Variants in FAM13A observed in about 807,000 individuals in gnomAD.
FAM13A encodes family with sequence similarity 13 member A.
Under a neutral mutation model 129.6 loss-of-function variants are expected in FAM13A, and 76 were observed. That is an observed-to-expected ratio of 0.59 (90% confidence interval 0.49 to 0.71). FAM13A has a LOEUF of 0.71. Ranked by LOEUF, FAM13A falls within the 30% of genes least tolerant of loss-of-function variation. The pLI, the probability that FAM13A is intolerant of heterozygous loss-of-function variation, is 0.00. For synonymous variants in FAM13A, 443 were observed against 449.9 expected (o/e 0.98, Z 0.20); for missense variants, 1,108 against 1,249.3 (o/e 0.89, Z 1.70).
At chr4:89,028,684 C>G (rs1312180370) in intron 2 of FAM13A, among the ~76,000 whole-genome samples, 1 of 151,658 alleles carries the variant, frequency 6.6e-6, no homozygotes, top group Non-Finnish European at 1.5e-5. Context: ...GAGCAAGACC[C>G]TATCTCTTAA....
At chr4:88,851,218 T>C (rs775181330) in intron 6 of FAM13A, 35 bp from the exon 7 acceptor site, 16 of 1,491,286 alleles carry the variant, frequency 1.1e-5, no homozygotes, top group Non-Finnish European at 1.4e-5. Flanking sequence ...GGGGGAGAGC[T>C]AGATAAATGT....
In FAM13A at chr4:88,758,818, C is replaced by G. The variant is rs776900955; in HGVS notation, c.1662G>C (p.Glu554Asp). 6.2e-7 allele frequency: 1 copy of G among 1,614,048 alleles called. No homozygotes were observed. The highest frequency in any genetic ancestry group is 8.5e-7 in the Non-Finnish European group (1 of 1,179,934). ...QRNQDAGDQE[E>D]SFVSEVPQSD... ...ACTGGGGCACTTCGGAGACAAAGCTCTCCTCCTGGTCACCGGCATCTTGAT... is the reference window on the plus strand; with the variant it reads ...ACTGGGGCACTTCGGAGACAAAGCTGTCCTCCTGGTCACCGGCATCTTGAT... Residue 554 changes from glutamate to aspartate, a missense_variant, in exon 14 of 24, where the codon GAG (glutamate) becomes GAC (aspartate). By Grantham distance (45) the Glu-to-Asp change is conservative (BLOSUM62 2). This residue lies in a region of FAM13A where 529 missense variants were observed against 621.2 expected (regional missense o/e 0.85). Coordinates refer to ENST00000264344, the MANE Select transcript of FAM13A (RefSeq NM_014883.4).
intron 2 of FAM13A, among the ~76,000 whole-genome samples, chr4:89,028,995 G>C (rs1442457271): frequency 6.6e-6 from 1 of 151,978 alleles, no homozygotes; most frequent in African/African-American, 2.4e-5. Flanking sequence ...CCACCACTCC[G>C]CATAGTAAGC....
chr4:88,979,901 G>A (rs140607031), intron 4 of FAM13A, among the ~76,000 whole-genome samples: 2,871 of 152,244 alleles, frequency 0.019, 36 homozygotes, highest in Non-Finnish European at 0.03. Context: ...AACCCGGGAG[G>A]TGGAAGTTGC....
At chr4:88,891,428 G>A (rs1344439769) in intron 6 of FAM13A, among the ~76,000 whole-genome samples, 1 of 151,754 alleles carries the variant, frequency 6.6e-6, no homozygotes, top group African/African-American at 2.4e-5. Context: ...TCAAGAAAAA[G>A]GAAAAAGAGT....
At chr4:88,765,720 G>A (rs1745606334) in intron 13 of FAM13A, among the ~76,000 whole-genome samples, 1 of 152,202 alleles carries the variant, frequency 6.6e-6, no homozygotes, top group African/African-American at 2.4e-5. Flanking sequence ...TCCCAATCTT[G>A]TGGAATGATG....
chr4:88,820,430 G>C (rs1310691223), intron 7 of FAM13A, among the ~76,000 whole-genome samples: 1 of 152,176 alleles, frequency 6.6e-6, no homozygotes, highest in Non-Finnish European at 1.5e-5. Flanking sequence ...TGGCAGTACA[G>C]AGTAGTGTTC....
chr4:88,938,154 A>T lies in FAM13A; in HGVS notation c.693T>A (p.Phe231Leu), dbSNP rs749795888. The part of the protein sequence containing the change: ...AKILENYNTL[F>L]EVEYTENDHL... ...GATCATTTTCTGTATACTCTACTTC[A>T]AACAGGGTATTGTAATTTTCTAGAA... The change falls in exon 5 of 24, where the codon TTT (phenylalanine) becomes TTA (leucine). Residue 231 changes from phenylalanine to leucine, a missense_variant. Coordinates refer to ENST00000264344, the MANE Select transcript of FAM13A (RefSeq NM_014883.4). 1 of 1,613,230 alleles carries T rather than the reference A, an allele frequency of 6.2e-7. No homozygotes were observed.
At chr4:88,882,439 T>C (rs1743737345) in intron 6 of FAM13A, among the ~76,000 whole-genome samples, 1 of 152,090 alleles carries the variant, frequency 6.6e-6, no homozygotes, top group African/African-American at 2.4e-5. Context: ...ATTGTCTTTT[T>C]CAGACAATAC....
chr4:88,907,678 G>T (rs1748387623), intron 5 of FAM13A, among the ~76,000 whole-genome samples: 1 of 152,164 alleles, frequency 6.6e-6, no homozygotes, highest in South Asian at 2.1e-4. Flanking sequence ...CAGGCTTACA[G>T]AAGTTAAGTA....
In FAM13A at chr4:88,859,162, A is replaced by G. The variant is rs1292715687; in HGVS notation, c.844-7979T>C. Among the ~76,000 whole-genome samples, 4 of 152,242 alleles carry G rather than the reference A, an allele frequency of 2.6e-5. No homozygotes were observed. In the East Asian group the frequency reaches 7.7e-4, roughly 29 times the overall value. ...TGCTGTGAAGAATAGCAAAGGAAAG[A>G]GGCGATTGCTAAAGAGGGCTGAAGA... On this transcript the variant is annotated intron_variant, in intron 6 of 23. Coordinates refer to ENST00000264344, the MANE Select transcript of FAM13A (RefSeq NM_014883.4).
chr4:89,048,701 A>C (rs1488968384), intron 1 of FAM13A, among the ~76,000 whole-genome samples: 1 of 152,178 alleles, frequency 6.6e-6, no homozygotes, highest in Non-Finnish European at 1.5e-5. Context: ...AAATTTTTTA[A>C]AGATTCCATA....
chr4:88,964,421 G>A (rs775791595), intron 4 of FAM13A, among the ~76,000 whole-genome samples: 1 of 151,908 alleles, frequency 6.6e-6, no homozygotes, highest in Admixed American at 6.6e-5. Context: ...GTTGTTTTGG[G>A]ATTAAAAAAA....
intron 6 of FAM13A, among the ~76,000 whole-genome samples, chr4:88,876,255 C>A (rs1272217092): frequency 6.6e-6 from 1 of 151,978 alleles, no homozygotes; most frequent in East Asian, 1.9e-4. Context: ...CCAACCTGCA[C>A]ATTGTGCACA....
chr4:88,935,917 C>T (rs902699881), intron 5 of FAM13A, among the ~76,000 whole-genome samples: 2 of 148,286 alleles, frequency 1.3e-5, no homozygotes, highest in African/African-American at 2.5e-5. Context: ...AGACTATCAG[C>T]GAGATCAGTT....
chr4:88,881,259 C>T (rs1320827292), intron 6 of FAM13A, among the ~76,000 whole-genome samples: 1 of 152,182 alleles, frequency 6.6e-6, no homozygotes, highest in Non-Finnish European at 1.5e-5. Context: ...AGTGGGGGCT[C>T]GTATCCATGT....
In FAM13A at chr4:88,782,661, C is replaced by CT. The variant is rs1056792955; in HGVS notation, c.1272-1311dup. 1.2e-4 allele frequency among the ~76,000 whole-genome samples: 18 copies of CT among 152,076 alleles called. 1 individual carries two copies. The South Asian group carries it at 3.7e-3, about 32-fold the overall frequency. ...AATTTTTAACACTCCATATTTTAGTCTTTTTTCTACAACTTTAATGTGAAA... is the reference window on the plus strand; with the variant it reads ...AATTTTTAACACTCCATATTTTAGTCTTTTTTTCTACAACTTTAATGTGAAA... On this transcript the variant is annotated intron_variant, in intron 10 of 23. Coordinates refer to ENST00000264344, the MANE Select transcript of FAM13A (RefSeq NM_014883.4).
In FAM13A at chr4:88,760,465, G is replaced by A. The variant is rs528284645; in HGVS notation, c.1579-1564C>T. On this transcript the variant is annotated intron_variant, in intron 13 of 23. Coordinates refer to ENST00000264344, the MANE Select transcript of FAM13A (RefSeq NM_014883.4). ...TAAAAATACAAAAAATTAGCCGGGC[G>A]TGGTGGCGGGCGCCTGTGGTCCCGG... Among the ~76,000 whole-genome samples, 3 of 78,104 alleles carry A rather than the reference G, an allele frequency of 3.8e-5. 1 individual carries two copies. Among genetic ancestry groups the A allele is most frequent in the East Asian group, 2.7e-4 (1 of 3,768 alleles). The allele number at this position is 78,104 out of a possible 152,430, so 51.2% of individuals were successfully genotyped here.
At chr4:89,043,020 T>C (rs1367033898) in intron 1 of FAM13A, among the ~76,000 whole-genome samples, 15 of 152,218 alleles carry the variant, frequency 9.9e-5, no homozygotes, top group African/African-American at 2.9e-4. Flanking sequence ...TAAACTCTGA[T>C]TTGCATATGT....
Sources: allele counts gnomAD v4.1 joint callset (sites outside exome capture counted in the v4.1 genomes callset), GRCh38; gene constraint gnomAD v4.1.1; regional missense constraint gnomAD v4.1.1; transcripts MANE v1.5; gene names NCBI Gene and HGNC (gene_info 2026-07-23, HGNC 2026-07-21).